ANO2: variants seen among roughly 807,000 people sequenced by gnomAD.
ANO2 encodes the protein anoctamin 2.
A neutral mutation model predicts 124.2 loss-of-function variants in ANO2; 101 were observed. That is an observed-to-expected ratio of 0.81 (90% CI 0.69 to 0.96). ANO2 has a LOEUF of 0.96. Ranked by LOEUF, ANO2 falls within the 40% of genes least tolerant of loss-of-function variation. The pLI, the probability that ANO2 is intolerant of heterozygous loss-of-function variation, is 0.00. For missense variants in ANO2, 1,293 were observed against 1,274.5 expected, an observed-to-expected ratio of 1.01 and a Z score of -0.22; for synonymous variants, 486 against 482.5, an observed-to-expected ratio of 1.01 and a Z score of -0.09.
intron 3 of ANO2, among the ~76,000 whole-genome samples, chr12:5,920,003 G>C (rs920539953): frequency 6.6e-6 from 1 of 151,838 alleles, no homozygotes; most frequent in African/African-American, 2.4e-5. Flanking sequence ...GGCAAGGGAA[G>C]GTCATTTTTA....
chr12:5,675,388 C>T (rs1948192179), intron 14 of ANO2, among the ~76,000 whole-genome samples: 1 of 152,142 alleles, frequency 6.6e-6, no homozygotes, highest in Non-Finnish European at 1.5e-5. Flanking sequence ...GGGCAGAGAC[C>T]ACTTCTGAGC....
intron 3 of ANO2, among the ~76,000 whole-genome samples, chr12:5,877,171 A>C (rs1383482317): frequency 6.6e-6 from 1 of 152,200 alleles, no homozygotes; most frequent in Non-Finnish European, 1.5e-5. Flanking sequence ...TAGTGGATTA[A>C]GGTGGCCCTA....
rs71445682 is a variant in ANO2 at position 5,852,848 on chromosome 12, CGTGTGTGTGTGT to C, written c.633+1183_633+1194del. Among the ~76,000 whole-genome samples the C allele has an allele frequency of 1.3e-3, 160 of 123,958 alleles. 1 individual carries two copies. Among genetic ancestry groups the C allele is most frequent in the South Asian group, 0.012 (39 of 3,144 alleles). The allele number at this position is 123,958 out of a possible 152,430, so 81.3% of individuals were successfully genotyped here. A position where few individuals can be genotyped will look rare whatever the true frequency, so the allele number is the denominator to read the frequency against. Reference sequence around the variant, plus strand: ...TATACAACTACACTATGGAAAGGGACGTGTGTGTGTGTGTGTGTGTGTGTGTGTGTGTGTGTG... The same window carrying C: ...TATACAACTACACTATGGAAAGGGACGTGTGTGTGTGTGTGTGTGTGTGTG... On this transcript the variant is annotated intron_variant, in intron 4 of 24. Coordinates refer to ENST00000682330, the MANE Select transcript of ANO2 (RefSeq NM_001364791.2).
At chr12:5,793,410 G>C (rs910938075) in intron 10 of ANO2, among the ~76,000 whole-genome samples, 1 of 152,194 alleles carries the variant, frequency 6.6e-6, no homozygotes, top group East Asian at 1.9e-4. Flanking sequence ...ATTTGCCTCT[G>C]TGAGGCTATG....
At chr12:5,592,501 A>C (rs1005543881) in intron 20 of ANO2, among the ~76,000 whole-genome samples, 1 of 152,232 alleles carries the variant, frequency 6.6e-6, no homozygotes, top group Non-Finnish European at 1.5e-5. Flanking sequence ...GCCTGCAAGA[A>C]GATGCAAAAC....
intron 23 of ANO2, among the ~76,000 whole-genome samples, chr12:5,568,946 C>A (rs577234341): frequency 5.2e-5 from 8 of 152,394 alleles, no homozygotes; most frequent in African/African-American, 1.9e-4. Flanking sequence ...CGCACACTAT[C>A]TGGCCCATCA....
At chr12:5,923,247 TACACACACATACACACAC>T (rs1941905209) in intron 1 of ANO2, among the ~76,000 whole-genome samples, 2 of 42,858 alleles carry the variant, frequency 4.7e-5, no homozygotes, top group Non-Finnish European at 9.3e-5. Context: ...CACACACGCA[TACACACACATACACACAC>T]ACACACACAC....
chr12:5,734,643 T>C (rs952115997), intron 13 of ANO2, among the ~76,000 whole-genome samples: 3 of 151,884 alleles, frequency 2.0e-5, no homozygotes, highest in Admixed American at 6.5e-5. Flanking sequence ...CTCATCTTTT[T>C]TTTCTTTCTT....
intron 3 of ANO2, among the ~76,000 whole-genome samples, chr12:5,913,007 C>T (rs1413224244): frequency 6.6e-6 from 1 of 152,156 alleles, no homozygotes; most frequent in Admixed American, 6.5e-5. Context: ...GAGAAAATAG[C>T]CTCATTTTAT....
intron 15 of ANO2, among the ~76,000 whole-genome samples, chr12:5,644,380 T>C (rs1946529918): frequency 6.6e-6 from 1 of 152,262 alleles, no homozygotes; most frequent in South Asian, 2.1e-4. Context: ...AATGTAACAT[T>C]ATCTTACTCA....
At chr12:5,886,777 T>A (rs1418234273) in intron 3 of ANO2, among the ~76,000 whole-genome samples, 2 of 152,226 alleles carry the variant, frequency 1.3e-5, no homozygotes, top group African/African-American at 4.8e-5. Context: ...AAGGAAATTC[T>A]GATATATGCT....
intron 1 of ANO2, among the ~76,000 whole-genome samples, chr12:5,942,841 C>T (rs1485889003): frequency 6.6e-6 from 1 of 152,128 alleles, no homozygotes; most frequent in African/African-American, 2.4e-5. Context: ...TATAAATAGC[C>T]AACAAACATA....
chr12:5,693,197 C>T (rs1247305431), intron 14 of ANO2, among the ~76,000 whole-genome samples: 1 of 152,102 alleles, frequency 6.6e-6, no homozygotes, highest in Non-Finnish European at 1.5e-5. Context: ...CTAAGAGATT[C>T]CCTTGAATGT....
intron 20 of ANO2, among the ~76,000 whole-genome samples, chr12:5,594,531 T>C (rs941891020): frequency 8.5e-5 from 13 of 152,188 alleles, no homozygotes; most frequent in African/African-American, 3.1e-4. Flanking sequence ...ACCATTTGCT[T>C]TTCCTTGTCA....
intron 3 of ANO2, among the ~76,000 whole-genome samples, chr12:5,881,343 T>C (rs1032164954): frequency 2.6e-5 from 4 of 152,146 alleles, no homozygotes; most frequent in African/African-American, 9.7e-5. Context: ...TACCACCTCT[T>C]GCCTTCTGGC....
At position 5,776,975 on chromosome 12, in the gene ANO2, G is replaced by A. The variant is rs550975183; in HGVS notation, c.1055+22532C>T. The stretch of plus-strand genomic sequence containing the variant: ...CAAAGAACTCAGCTTCTAGATCTTA[G>A]GGAAGGGTCACGAACCCTCCATTTA... On this transcript the variant is annotated intron_variant, in intron 10 of 24. Transcript: ENST00000682330. Among the ~76,000 whole-genome samples, 327 of 152,286 alleles carry A rather than the reference G, an allele frequency of 2.1e-3. 3 individuals are homozygous for A. The highest frequency in any genetic ancestry group is 7.7e-3 in the African/African-American group (318 of 41,568).
In ANO2 at chr12:5,879,844, T is replaced by TGTGAACTCGTTCTGAG. The variant is rs565855990; in HGVS notation, c.535-25719_535-25704dup. ...AGCCTGGGACAACATGCTTAAGAAG[T>TGTGAACTCGTTCTGAG]GTGAACTCGTTCTGAGGTGCTTAGA... On this transcript the variant is annotated intron_variant, in intron 3 of 24. Coordinates refer to ENST00000682330, the MANE Select transcript of ANO2 (RefSeq NM_001364791.2). Among the ~76,000 whole-genome samples, 68 of 152,296 alleles carry TGTGAACTCGTTCTGAG rather than the reference T, an allele frequency of 4.5e-4. No homozygotes were observed. The East Asian group carries it at 0.013, about 29-fold the overall frequency.
chr12:5,832,384 A>G, intron 5 of ANO2, 68 bp downstream of exon 5: 1 of 1,587,576 alleles, frequency 6.3e-7, no homozygotes. Flanking sequence ...GGGCTGAGTC[A>G]TAGAACAGTA....
chr12:5,834,072 C>A (rs1321070047), intron 4 of ANO2, among the ~76,000 whole-genome samples: 1 of 152,126 alleles, frequency 6.6e-6, no homozygotes, highest in African/African-American at 2.4e-5. Flanking sequence ...CTTCCTGAAC[C>A]CTCCCGTCCA....
Sources: gnomAD v4.1 joint callset for allele counts (sites outside exome capture counted in the v4.1 genomes callset) on GRCh38, gnomAD v4.1.1 for gene constraint, MANE v1.5 for transcripts, NCBI Gene and HGNC (gene_info 2026-07-23, HGNC 2026-07-21) for gene names.